The following EDIL3 variants were observed in gnomAD, a reference collection of about 807,000 sequenced individuals.
EDIL3 encodes the protein EGF-like repeat and discoidin I-like domain-containing protein 3.
In EDIL3, 37 loss-of-function variants were observed where a neutral mutation model predicts 67.4. The observed-to-expected ratio is 0.55, with a 90% CI of 0.42 to 0.72. The LOEUF is 0.72. Among genes scored for constraint, EDIL3 ranks in the 30% least tolerant of loss-of-function variants. The pLI is 0.00. For missense variants in EDIL3, 527 were observed against 586.3 expected, an observed-to-expected ratio of 0.90 and a Z score of 1.04; for synonymous variants, 195 against 196.3, an observed-to-expected ratio of 0.99 and a Z score of 0.05.
intron 1 of EDIL3, among the ~76,000 whole-genome samples, chr5:84,332,803 A>C (rs1349120322): frequency 6.6e-6 from 1 of 152,332 alleles, no homozygotes; most frequent in African/African-American, 2.4e-5. Context: ...AGCTGGAACT[A>C]TAATTAAAGA....
intron 1 of EDIL3, among the ~76,000 whole-genome samples, chr5:84,305,601 C>T (rs1186072906): frequency 2.6e-5 from 4 of 152,182 alleles, no homozygotes; most frequent in Non-Finnish European, 5.9e-5. Context: ...AGATACAGGC[C>T]GAGTGCGGTG....
chr5:83,984,537 C>A (rs560434059), intron 9 of EDIL3, among the ~76,000 whole-genome samples: 2 of 152,018 alleles, frequency 1.3e-5, no homozygotes, highest in African/African-American at 2.4e-5. Context: ...AAGCTACATA[C>A]GGTGACAAAG....
In EDIL3 at chr5:84,197,639, C is replaced by T. The variant is rs532267477; in HGVS notation, c.227-17118G>A. On this transcript the variant is annotated intron_variant, in intron 3 of 10. Transcript: ENST00000296591. ...ATGCCACTGAACTCCAGTCTGGTGA[C>T]AGAGCGAAACTACATCTCAAAAAAA... Among the ~76,000 whole-genome samples the T allele has an allele frequency of 4.0e-5, 6 of 148,284 alleles. No homozygotes were observed. In the South Asian group the frequency reaches 1.3e-3, roughly 31 times the overall value.
At chr5:84,098,647 C>A (rs1256087528) in intron 6 of EDIL3, among the ~76,000 whole-genome samples, 3 of 151,990 alleles carry the variant, frequency 2.0e-5, no homozygotes, top group Non-Finnish European at 4.4e-5. Flanking sequence ...AATTAAATAA[C>A]CTACTCCTGA....
chr5:84,151,643 G>A (rs1195940247), intron 4 of EDIL3, among the ~76,000 whole-genome samples: 1 of 152,114 alleles, frequency 6.6e-6, no homozygotes, highest in East Asian at 1.9e-4. Flanking sequence ...ATCATTGCAA[G>A]ATTTTCTATT....
intron 2 of EDIL3, among the ~76,000 whole-genome samples, chr5:84,234,695 T>C (rs1204480405): frequency 6.6e-6 from 1 of 152,148 alleles, no homozygotes; most frequent in Admixed American, 6.5e-5. Context: ...CTACATTTCT[T>C]AGTATATTAT....
At chr5:84,061,314 T>C (rs1160357826) in intron 8 of EDIL3, among the ~76,000 whole-genome samples, 2 of 152,190 alleles carry the variant, frequency 1.3e-5, no homozygotes, top group Non-Finnish European at 2.9e-5. Flanking sequence ...CTTGAAAAAT[T>C]ATATGCATGC....
chr5:84,317,369 C>T (rs1272524753), intron 1 of EDIL3, among the ~76,000 whole-genome samples: 2 of 151,294 alleles, frequency 1.3e-5, no homozygotes, highest in African/African-American at 2.4e-5. Context: ...GCTAGCAAGA[C>T]TAATAAAGAA....
At chr5:84,176,952 G>C (rs1344837179) in intron 4 of EDIL3, among the ~76,000 whole-genome samples, 1 of 152,050 alleles carries the variant, frequency 6.6e-6, no homozygotes, top group African/African-American at 2.4e-5. Context: ...AACGAGTGCT[G>C]GTAAGGATGT....
At chr5:83,991,095 C>A (rs1745143298) in intron 9 of EDIL3, among the ~76,000 whole-genome samples, 1 of 152,016 alleles carries the variant, frequency 6.6e-6, no homozygotes, top group South Asian at 2.1e-4. Context: ...TTATGCTGTA[C>A]TTTTTAGATC....
intron 9 of EDIL3, among the ~76,000 whole-genome samples, chr5:84,011,784 T>G (rs1041641354): frequency 6.6e-6 from 1 of 152,172 alleles, no homozygotes; most frequent in Admixed American, 6.6e-5. Context: ...GTGGCTTGCT[T>G]TCTCACTTTA....
chr5:84,045,682 A>C (rs1156593241), intron 9 of EDIL3, among the ~76,000 whole-genome samples: 2 of 152,236 alleles, frequency 1.3e-5, no homozygotes, highest in African/African-American at 4.8e-5. Flanking sequence ...CAGAAGACAC[A>C]CTATGCTAAA....
chr5:84,372,005 G>T (rs1415257062), intron 1 of EDIL3, among the ~76,000 whole-genome samples: 1 of 152,066 alleles, frequency 6.6e-6, no homozygotes, highest in Non-Finnish European at 1.5e-5. Context: ...AAGAACTTTA[G>T]AGACTATCTT....
At chr5:84,023,511 T>C (rs2112194603) in intron 9 of EDIL3, among the ~76,000 whole-genome samples, 1 of 152,180 alleles carries the variant, frequency 6.6e-6, no homozygotes, top group South Asian at 2.1e-4. Flanking sequence ...TTTGCAAGAG[T>C]ATAGCTACTG....
intron 9 of EDIL3, among the ~76,000 whole-genome samples, chr5:84,020,099 A>T (rs950347799): frequency 2.0e-5 from 3 of 147,932 alleles, no homozygotes; most frequent in Non-Finnish European, 4.5e-5. Context: ...AAACGCAACA[A>T]ACAAAACACT....
Position 84,064,906 on chromosome 5 carries a change from TA to T in EDIL3, c.808-63del, listed in dbSNP as rs1746608829. The T allele has an allele frequency of 2.1e-5, 32 of 1,553,720 alleles. 1 individual carries two copies. In the South Asian group the frequency reaches 3.4e-4, roughly 17 times the overall value. On this transcript the variant is annotated intron_variant, in intron 7 of 10. Coordinates refer to ENST00000296591, the MANE Select transcript of EDIL3 (RefSeq NM_005711.5). ...GCTTATTTACCTATTTTTACATATTTACCCTATCTATACCTTATCGAAAATA... is the reference window on the plus strand; with the variant it reads ...GCTTATTTACCTATTTTTACATATTTCCCTATCTATACCTTATCGAAAATA...
intron 1 of EDIL3, among the ~76,000 whole-genome samples, chr5:84,286,247 T>G (rs886618045): frequency 9.9e-5 from 15 of 152,176 alleles, no homozygotes; most frequent in African/African-American, 3.6e-4. Context: ...AACCAATGTG[T>G]GCTTTAGCTT....
intron 3 of EDIL3, among the ~76,000 whole-genome samples, chr5:84,219,968 G>T (rs1323596658): frequency 2.6e-5 from 4 of 151,996 alleles, no homozygotes; most frequent in Admixed American, 2.6e-4. Context: ...AGTGCAGGGG[G>T]TAGTGGGGTG....
intron 1 of EDIL3, among the ~76,000 whole-genome samples, chr5:84,342,143 A>G (rs543699695): frequency 6.6e-6 from 1 of 152,250 alleles, no homozygotes; most frequent in African/African-American, 2.4e-5. Context: ...AAGAAAATAG[A>G]GTGTATATAG....
Sources: gnomAD v4.1 joint callset for allele counts (sites outside exome capture counted in the v4.1 genomes callset) on GRCh38, gnomAD v4.1.1 for gene constraint, MANE v1.5 for transcripts, NCBI Gene and HGNC (gene_info 2026-07-23, HGNC 2026-07-21) for gene names.